The following STARD6 variants were observed in gnomAD, a reference collection of about 807,000 sequenced individuals.
STARD6 encodes the protein stAR-related lipid transfer protein 6.
Under a neutral mutation model 22.3 loss-of-function variants are expected in STARD6, and 21 were observed. The observed-to-expected ratio is 0.94, with a 90% CI of 0.67 to 1.35. The LOEUF (loss-of-function observed/expected upper bound fraction) is 1.35, where lower values mean the gene tolerates loss of function less well. Among genes scored for constraint, STARD6 ranks in the 40% most tolerant of loss-of-function variants. The pLI is 0.00. For missense variants in STARD6, 269 were observed against 266.9 expected (o/e 1.01, Z -0.05); for synonymous variants, 80 against 88.1 (o/e 0.91, Z 0.52).
chr18:54,342,701 G>T (rs1490978511), intron 4 of STARD6, among the ~76,000 whole-genome samples: 1 of 95,394 alleles, frequency 1.0e-5, no homozygotes, highest in African/African-American at 5.7e-5. Flanking sequence ...AACCGCGAGT[G>T]ATCCGCCAAC....
chr18:54,334,489 C>T (rs1428555027), intron 5 of STARD6, among the ~76,000 whole-genome samples: 1 of 152,100 alleles, frequency 6.6e-6, no homozygotes, highest in Non-Finnish European at 1.5e-5. Context: ...AGCCTAACCT[C>T]TCACCTCTTA....
At chr18:54,343,328 G>A (rs534535485) in intron 4 of STARD6, among the ~76,000 whole-genome samples, 22,834 of 137,028 alleles carry the variant, frequency 0.17, 2,297 homozygotes, top group Middle Eastern at 0.23. Context: ...TGGGAAGTGA[G>A]GAGCATCTCC....
At chr18:54,331,892 G>T (rs755043338) in intron 5 of STARD6, 33 bp from the exon 6 acceptor site, 1 of 1,401,184 alleles carries the variant, frequency 7.1e-7, no homozygotes, top group Non-Finnish European at 1.0e-6. Flanking sequence ...GATAACAAAC[G>T]TTACTTAATA....
intron 4 of STARD6, among the ~76,000 whole-genome samples, chr18:54,346,779 A>C (rs1033816980): frequency 9.2e-5 from 14 of 152,136 alleles, no homozygotes; most frequent in Non-Finnish European, 1.8e-4. Flanking sequence ...AAACATGATA[A>C]AAGAATTTGT....
At chr18:54,357,042 A>T (rs1399429317) in intron 1 of STARD6, 2 of 152,282 alleles carry the variant, frequency 1.3e-5, no homozygotes, top group Non-Finnish European at 2.9e-5. Context: ...CAGTAAGACT[A>T]CAATTGTATT....
chr18:54,352,941 TA>T (rs2144697678), intron 4 of STARD6, among the ~76,000 whole-genome samples: 1 of 152,316 alleles, frequency 6.6e-6, no homozygotes, highest in African/African-American at 2.4e-5. Flanking sequence ...TTAATTCCCC[TA>T]GTGTACCTAG....
intron 5 of STARD6, 63 bp from the exon 6 acceptor site, chr18:54,331,922 C>T (rs1239778231): frequency 1.1e-5 from 13 of 1,200,998 alleles, no homozygotes; most frequent in East Asian, 7.4e-5. Context: ...TGTATTGTTT[C>T]CCCCCCAAAT....
intron 5 of STARD6, among the ~76,000 whole-genome samples, chr18:54,335,362 T>A (rs1378830103): frequency 6.6e-6 from 1 of 151,830 alleles, no homozygotes; most frequent in African/African-American, 2.4e-5. Context: ...GCCTGGCTAA[T>A]TTTTTGTATT....
rs952772941 is a variant in STARD6, at chr18:54,331,957, T to C, written c.268-98A>G. 1.7e-5 allele frequency: 13 copies of C among 783,580 alleles called. No homozygotes were observed. The African/African-American group carries it at 2.1e-4, about 13-fold the overall frequency. 48.5% of individuals were successfully genotyped at this position (783,580 alleles called of 1,614,324 possible). ...TTTTATTGCATATGATTGGCCTCTA[T>C]TTGGAAAAAGCAGGGCTTTGAAATT... On this transcript the variant is annotated intron_variant, in intron 5 of 7. Transcript: ENST00000307844.
intron 5 of STARD6, among the ~76,000 whole-genome samples, chr18:54,335,589 C>G (rs1440854558): frequency 6.6e-6 from 1 of 152,090 alleles, no homozygotes; most frequent in Non-Finnish European, 1.5e-5. Flanking sequence ...CTTCTTCATC[C>G]TTGTTTCTAC....
intron 5 of STARD6, among the ~76,000 whole-genome samples, chr18:54,335,580 T>G (rs1327885805): frequency 6.6e-6 from 1 of 152,162 alleles, no homozygotes. Context: ...CTTATCCCAC[T>G]TCTTCATCCT....
intron 3 of STARD6, 71 bp from the exon 4 acceptor site, chr18:54,354,174 A>C: frequency 9.7e-7 from 1 of 1,026,312 alleles, no homozygotes. Flanking sequence ...AAAAACTAAC[A>C]AAAGTAAAAA....
chr18:54,329,517 A>G (rs1396678177), intron 6 of STARD6, 77 bp from the exon 7 acceptor site: 1 of 1,192,390 alleles, frequency 8.4e-7, no homozygotes, highest in South Asian at 1.4e-5. Flanking sequence ...ATTTTTAGAA[A>G]CATATAGCAT....
rs372013593 is a variant in STARD6 at position 54,329,376 on chromosome 18, A to G, written c.450T>C (p.Pro150=). 5 of 1,604,154 alleles carry G rather than the reference A, an allele frequency of 3.1e-6. No homozygotes were observed. The Admixed American group carries it at 8.6e-5, about 28-fold the overall frequency. ...CCATTGGTGAACATACAAAGCCACA[A>G]GGATGGTTATAACCGCGGATATAAT... ...SSNYIRGYNH[P]CGFVCSPMEE... is the part of the protein sequence containing the mutation. Residue 150 remains proline, a synonymous_variant, in exon 7 of 8, where the codon CCT becomes CCC. Transcript: ENST00000307844.
In STARD6 at chr18:54,347,094, C is replaced by T. The variant is rs558503355; in HGVS notation, c.140+6960G>A. Among the ~76,000 whole-genome samples the T allele has an allele frequency of 5.8e-4, 88 of 152,060 alleles. 1 individual carries two copies. The highest frequency in any genetic ancestry group is 2.1e-3 in the African/African-American group (86 of 41,510). ...TAAAATTGTTAAAAATGAATTAGTT[C>T]CACAAGTCCTTTTTTTCTGAATTAG... On this transcript the variant is annotated intron_variant, in intron 4 of 7. Coordinates refer to ENST00000307844, the MANE Select transcript of STARD6 (RefSeq NM_139171.2).
intron 5 of STARD6, 106 bp from the exon 6 acceptor site, chr18:54,331,965 A>AAGCAG: frequency 1.4e-6 from 1 of 700,568 alleles, no homozygotes; most frequent in Non-Finnish European, 2.3e-6. Flanking sequence ...TATTTGGAAA[A>AAGCAG]AGCAGGGCTT....
intron 4 of STARD6, among the ~76,000 whole-genome samples, chr18:54,340,127 T>C (rs890059901): frequency 6.6e-6 from 1 of 152,154 alleles, no homozygotes; most frequent in Non-Finnish European, 1.5e-5. Context: ...ATGGGTAAGA[T>C]AGAAATATCT....
At chr18:54,357,713 G>C (rs778239133) in intron 1 of STARD6, 79 bp downstream of exon 1, 1 of 152,614 alleles carries the variant, frequency 6.6e-6, no homozygotes, top group African/African-American at 2.4e-5. Flanking sequence ...ACGGAGGTTG[G>C]AAGGGCGTGG....
Position 54,339,142 on chromosome 18 carries a change from G to T in STARD6, c.141-1891C>A, listed in dbSNP as rs183443354. Among the ~76,000 whole-genome samples the T allele has an allele frequency of 3.7e-3, 416 of 111,870 alleles. 1 individual carries two copies. Among genetic ancestry groups the T allele is most frequent in the Middle Eastern group, 0.019 (3 of 162 alleles). 73.4% of individuals were successfully genotyped at this position (111,870 alleles called of 152,430 possible). A position where few individuals can be genotyped will look rare whatever the true frequency, so the allele number is the denominator to read the frequency against. On this transcript the variant is annotated intron_variant, in intron 4 of 7. Coordinates refer to ENST00000307844, the MANE Select transcript of STARD6 (RefSeq NM_139171.2). ...ACGAAAGCAGGAAAAAAAAAAGGTA[G>T]AAAAATAAACAGTGCCTCAGAGAAA... is the stretch of plus-strand genomic sequence containing the variant.
Sources: gnomAD v4.1 joint callset for allele counts (sites outside exome capture counted in the v4.1 genomes callset) on GRCh38, gnomAD v4.1.1 for gene constraint, MANE v1.5 for transcripts, NCBI Gene and HGNC (gene_info 2026-07-23, HGNC 2026-07-21) for gene names.